The following MLLT10 variants were observed in gnomAD, a reference collection of about 807,000 sequenced individuals.
The protein encoded by MLLT10 is MLLT10 histone lysine methyltransferase DOT1L cofactor.
A neutral mutation model predicts 129.1 loss-of-function variants in MLLT10; 30 were observed. The ratio of observed to expected loss-of-function variants is 0.23; its 90% CI spans 0.17 to 0.32. MLLT10 has a LOEUF of 0.32. MLLT10 is among the 10% of genes least tolerant of loss of function. The probability of loss-of-function intolerance (pLI) is 1.00; values close to 1 mark genes in which losing one functional copy is unlikely to be tolerated. For synonymous variants in MLLT10, 490 were observed against 446.4 expected (o/e 1.10, Z -1.23); for missense variants, 1,119 against 1,268.3 (o/e 0.88, Z 1.79).
chr10:21,613,523 T>C (rs1315498491), intron 6 of MLLT10, among the ~76,000 whole-genome samples: 22 of 152,238 alleles, frequency 1.4e-4, no homozygotes, highest in South Asian at 2.1e-4. Flanking sequence ...ATGAGATCTG[T>C]ATACTAATAT....
At chr10:21,651,908 T>A in intron 9 of MLLT10, 140 bp downstream of exon 9, 3 of 448,470 alleles carry the variant, frequency 6.7e-6, no homozygotes, top group African/African-American at 2.5e-5. Flanking sequence ...CATTTCTTTT[T>A]TTTTTTTTTT....
intron 3 of MLLT10, among the ~76,000 whole-genome samples, chr10:21,550,889 C>CGTA (rs2036885752): frequency 1.3e-5 from 1 of 78,712 alleles, no homozygotes; most frequent in Non-Finnish European, 2.7e-5. Context: ...CCTTTATTCA[C>CGTA]ATAATTAAAA....
intron 2 of MLLT10, among the ~76,000 whole-genome samples, 185 bp from the exon 3 acceptor site, chr10:21,538,646 TAA>T (rs1206699539): frequency 6.6e-6 from 1 of 152,182 alleles, no homozygotes; most frequent in Non-Finnish European, 1.5e-5. Context: ...GAGTTGCATT[TAA>T]AATTTTTACT....
rs1449185324 is a variant in MLLT10, at chr10:21,538,828, A to G, written c.161-5A>G. 1 of 1,606,254 alleles carries G rather than the reference A, an allele frequency of 6.2e-7. No individual in the cohort carries two copies. The highest frequency in any genetic ancestry group is 8.5e-7 in the Non-Finnish European group (1 of 1,175,264). ...AACATTTTAACACATTTCATTTTTC[A>G]ACAGCTTGCTATGGCATTGTTCAAG... On this transcript the variant is annotated splice_region_variant and splice_polypyrimidine_tract_variant and intron_variant, in intron 2 of 22. Transcript: ENST00000307729.
chr10:21,682,144 T>C, intron 12 of MLLT10, 81 bp from the exon 13 acceptor site: 7 of 1,120,110 alleles, frequency 6.2e-6, no homozygotes, highest in Non-Finnish European at 9.1e-6. Context: ...TTTATTATAC[T>C]AATTCAGTGT....
At chr10:21,595,277 G>GTAA in intron 4 of MLLT10, 54 bp from the exon 5 acceptor site, 1 of 1,382,682 alleles carries the variant, frequency 7.2e-7, no homozygotes, top group Non-Finnish European at 1.0e-6. Flanking sequence ...AGTTAACGGT[G>GTAA]TTAATTTGCT....
intron 8 of MLLT10, among the ~76,000 whole-genome samples, chr10:21,627,929 C>T (rs902076376): frequency 3.3e-5 from 5 of 152,180 alleles, no homozygotes; most frequent in Admixed American, 6.5e-5. Flanking sequence ...AATACATTTT[C>T]TATTTTTCAT....
chr10:21,636,523 A>G (rs1005123818), intron 8 of MLLT10, among the ~76,000 whole-genome samples: 1 of 151,238 alleles, frequency 6.6e-6, no homozygotes, highest in Non-Finnish European at 1.5e-5. Context: ...AAGCTGATCT[A>G]TATTTTTTAT....
chr10:21,698,901 G>A (rs1260288999), intron 13 of MLLT10, among the ~76,000 whole-genome samples: 1 of 152,186 alleles, frequency 6.6e-6, no homozygotes, highest in East Asian at 1.9e-4. Context: ...TTGAGACGGA[G>A]TCTTGCTCTT....
chr10:21,540,091 A>G (rs1338758224), intron 3 of MLLT10, among the ~76,000 whole-genome samples: 1 of 152,012 alleles, frequency 6.6e-6, no homozygotes, highest in Non-Finnish European at 1.5e-5. Flanking sequence ...CAAAAGAAAA[A>G]TTTTAAAAAT....
Position 21,593,926 on chromosome 10 carries a change from T to TAAAAA in MLLT10, c.296-1377_296-1373dup, listed in dbSNP as rs61561146. Among the ~76,000 whole-genome samples the TAAAAA allele has an allele frequency of 8.5e-3, 386 of 45,418 alleles. 27 individuals are homozygous for TAAAAA. The highest frequency in any genetic ancestry group is 0.037 in the African/African-American group (353 of 9,424). 29.8% of individuals were successfully genotyped at this position (45,418 alleles called of 152,430 possible). A position where few individuals can be genotyped will look rare whatever the true frequency, so the allele number is the denominator to read the frequency against. On this transcript the variant is annotated intron_variant, in intron 4 of 22. Coordinates refer to ENST00000307729, the MANE Select transcript of MLLT10 (RefSeq NM_001195626.3). ...GGGCGACAGACCAAGGCTTTGTCTT[T>TAAAAA]AAAAAAAAAAAAAAAAAAAAAAAAA... is the stretch of plus-strand genomic sequence containing the variant.
chr10:21,540,105 T>C (rs1194169519), intron 3 of MLLT10, among the ~76,000 whole-genome samples: 1 of 151,968 alleles, frequency 6.6e-6, no homozygotes, highest in East Asian at 1.9e-4. Flanking sequence ...TAAAAATTAG[T>C]TGGGGCTGGG....
chr10:21,581,911 A>G (rs2041499529), intron 3 of MLLT10, among the ~76,000 whole-genome samples: 2 of 152,120 alleles, frequency 1.3e-5, no homozygotes, highest in African/African-American at 4.8e-5. Flanking sequence ...AACATTGTAC[A>G]CTTAATGTAC....
chr10:21,551,692 T>G (rs2037056702), intron 3 of MLLT10: 4 of 304,278 alleles, frequency 1.3e-5, no homozygotes, highest in South Asian at 1.1e-4. Context: ...ATTGAAAACA[T>G]AGATGTACTT....
intron 3 of MLLT10, among the ~76,000 whole-genome samples, chr10:21,560,928 G>C (rs1248150311): frequency 1.3e-5 from 2 of 151,988 alleles, no homozygotes; most frequent in Non-Finnish European, 2.9e-5. Context: ...GTGACTTTTT[G>C]TTGTTGAAAT....
chr10:21,550,002 C>G (rs959020393), intron 3 of MLLT10, among the ~76,000 whole-genome samples: 2 of 152,182 alleles, frequency 1.3e-5, no homozygotes, highest in East Asian at 1.9e-4. Context: ...CTTAATTTTA[C>G]TGGCTCTTAA....
chr10:21,599,287 A>T (rs1380250928), intron 5 of MLLT10, among the ~76,000 whole-genome samples: 1 of 152,130 alleles, frequency 6.6e-6, no homozygotes. Flanking sequence ...GGTTGCAGTG[A>T]GCCAAGATTG....
intron 9 of MLLT10, 113 bp downstream of exon 9, chr10:21,651,881 C>A: frequency 9.7e-6 from 4 of 413,128 alleles, no homozygotes; most frequent in Non-Finnish European, 1.4e-5. Context: ...AACCACATAT[C>A]AGGCACTTAG....
intron 8 of MLLT10, among the ~76,000 whole-genome samples, chr10:21,628,907 C>T (rs936919654): frequency 1.3e-5 from 2 of 151,836 alleles, no homozygotes; most frequent in Non-Finnish European, 2.9e-5. Context: ...TGCCACCATG[C>T]CCGGCTAAGT....
Sources: allele counts gnomAD v4.1 joint callset (sites outside exome capture counted in the v4.1 genomes callset), GRCh38; gene constraint gnomAD v4.1.1; transcripts MANE v1.5; gene names NCBI Gene and HGNC (gene_info 2026-07-23, HGNC 2026-07-21).